Variants in GRIA2 observed in about 807,000 individuals in gnomAD.
GRIA2 encodes the protein glutamate receptor 2.
GRIA2 carries 14 observed loss-of-function variants against 97.3 expected under a neutral mutation model. That is an observed-to-expected ratio of 0.14 (90% CI 0.10 to 0.23). The LOEUF (loss-of-function observed/expected upper bound fraction) is 0.23, where lower values mean the gene tolerates loss of function less well. Ranked by LOEUF, GRIA2 falls within the 10% of genes least tolerant of loss-of-function variation. The probability of loss-of-function intolerance (pLI) is 1.00; values close to 1 mark genes in which losing one functional copy is unlikely to be tolerated. For missense variants in GRIA2, 558 were observed against 1,069.8 expected, an observed-to-expected ratio of 0.52 and a Z score of 6.67; for synonymous variants, 412 against 387.8, an observed-to-expected ratio of 1.06 and a Z score of -0.73.
chr4:157,285,933 G>A (rs1378623165), intron 2 of GRIA2, among the ~76,000 whole-genome samples: 1 of 151,298 alleles, frequency 6.6e-6, no homozygotes, highest in Non-Finnish European at 1.5e-5. Flanking sequence ...AAGTAACTTG[G>A]CAAATATACA....
At chr4:157,234,832 T>A (rs1730172690) in intron 2 of GRIA2, among the ~76,000 whole-genome samples, 2 of 152,252 alleles carry the variant, frequency 1.3e-5, no homozygotes, top group African/African-American at 2.4e-5. Flanking sequence ...AATAATTACT[T>A]GGTCAGAGAT....
chr4:157,274,130 A>T (rs1732165950), intron 2 of GRIA2, among the ~76,000 whole-genome samples: 1 of 151,984 alleles, frequency 6.6e-6, no homozygotes, highest in African/African-American at 2.4e-5. Flanking sequence ...CCAAATTATC[A>T]TTTAGTAGTG....
At chr4:157,348,225 G>T (rs1338824061) in intron 12 of GRIA2, among the ~76,000 whole-genome samples, 1 of 152,130 alleles carries the variant, frequency 6.6e-6, no homozygotes, top group Non-Finnish European at 1.5e-5. Context: ...AATTGGTAAA[G>T]GTGGCTGCTA....
chr4:157,341,650 A>C lies in GRIA2; in HGVS notation c.2043+188A>C, dbSNP rs143968114. On this transcript the variant is annotated intron_variant, in intron 12 of 15. Transcript: ENST00000264426. ...TACTTCGGTCCAGCTCTAGTTTCTG[A>C]TTCCTGACTCCTTAGGAGAAAAATC... is the stretch of plus-strand genomic sequence containing the variant. Among the ~76,000 whole-genome samples the C allele has an allele frequency of 7.2e-3, 1,094 of 152,148 alleles. 18 individuals carry two copies. Among genetic ancestry groups the C allele is most frequent in the South Asian group, 0.063 (304 of 4,820 alleles).
At chr4:157,329,638 A>G (rs563269659) in intron 6 of GRIA2, among the ~76,000 whole-genome samples, 24 of 152,052 alleles carry the variant, frequency 1.6e-4, no homozygotes, top group African/African-American at 4.8e-4. Context: ...AAAACATGGT[A>G]AAAACAAACT....
At chr4:157,236,777 T>C (rs1479491349) in intron 2 of GRIA2, among the ~76,000 whole-genome samples, 3 of 152,146 alleles carry the variant, frequency 2.0e-5, no homozygotes, top group Admixed American at 2.0e-4. Context: ...TTTCTATGTA[T>C]GTGTGTGTGC....
intron 2 of GRIA2, among the ~76,000 whole-genome samples, chr4:157,275,195 G>T (rs190551488): frequency 1.5e-4 from 23 of 152,042 alleles, no homozygotes; most frequent in Admixed American, 1.5e-3. Context: ...CATATCCTTC[G>T]CCCACTTTTT....
intron 2 of GRIA2, among the ~76,000 whole-genome samples, chr4:157,269,957 C>T (rs187280821): frequency 6.6e-6 from 1 of 151,926 alleles, no homozygotes; most frequent in African/African-American, 2.4e-5. Context: ...TATAAATAAA[C>T]TCGGATTTTT....
intron 2 of GRIA2, among the ~76,000 whole-genome samples, chr4:157,292,866 T>C (rs1312697684): frequency 1.3e-5 from 2 of 152,118 alleles, no homozygotes; most frequent in African/African-American, 4.8e-5. Context: ...GCTTCCAAGT[T>C]TTTTAATGTC....
intron 2 of GRIA2, among the ~76,000 whole-genome samples, chr4:157,288,579 A>T (rs111495924): frequency 6.6e-6 from 1 of 151,734 alleles, no homozygotes. Flanking sequence ...ACCACAACAC[A>T]TATTTCCTTT....
rs1262315758 is a variant in GRIA2 at position 157,365,777 on chromosome 4, G to C, written c.*2346G>C. 1 of 151,858 alleles carries C rather than the reference G, an allele frequency of 6.6e-6. No homozygotes were observed. Among genetic ancestry groups the C allele is most frequent in the African/African-American group, 2.4e-5 (1 of 41,366 alleles). The allele number at this position is 151,858 out of a possible 1,614,324, so 9.4% of individuals were successfully genotyped here. A position where few individuals can be genotyped will look rare whatever the true frequency, so the allele number is the denominator to read the frequency against. On this transcript the variant is annotated 3_prime_UTR_variant, in exon 16 of 16. Transcript: ENST00000264426. The stretch of plus-strand genomic sequence containing the variant: ...TTTTTATTCATTTTATATAAAAACT[G>C]TTATGGAAAGACCAAAATGTTTATG...
At chr4:157,356,320 T>C (rs1351267457) in intron 12 of GRIA2, among the ~76,000 whole-genome samples, 2 of 150,882 alleles carry the variant, frequency 1.3e-5, no homozygotes, top group African/African-American at 2.4e-5. Flanking sequence ...AACTCTTCCC[T>C]GGGGCCATCT....
At chr4:157,248,895 T>G (rs1292262994) in intron 2 of GRIA2, among the ~76,000 whole-genome samples, 1 of 151,026 alleles carries the variant, frequency 6.6e-6, no homozygotes, top group Non-Finnish European at 1.5e-5. Flanking sequence ...TGGAGTGCAG[T>G]GGGATGATCT....
At chr4:157,225,856 C>T (rs557970394) in intron 2 of GRIA2, among the ~76,000 whole-genome samples, 4 of 151,748 alleles carry the variant, frequency 2.6e-5, no homozygotes, top group Non-Finnish European at 5.9e-5. Flanking sequence ...ATATACACCA[C>T]GTATTGTATG....
At chr4:157,255,988 GAC>G (rs1731224416) in intron 2 of GRIA2, among the ~76,000 whole-genome samples, 1 of 150,432 alleles carries the variant, frequency 6.6e-6, no homozygotes. Context: ...TATATACAGT[GAC>G]ACAGAAAAAT....
chr4:157,323,855 G>A (rs1734693788), intron 6 of GRIA2, among the ~76,000 whole-genome samples: 1 of 152,140 alleles, frequency 6.6e-6, no homozygotes, highest in African/African-American at 2.4e-5. Flanking sequence ...CCTTCCTGCT[G>A]TAGCATTTCC....
chr4:157,333,386 G>A (rs745813549), intron 8 of GRIA2, 33 bp downstream of exon 8: 21 of 1,083,886 alleles, frequency 1.9e-5, no homozygotes, highest in Non-Finnish European at 2.9e-5. Context: ...GCAGTTCTAT[G>A]TGAGGAGGTG....
chr4:157,362,776 C>T (rs770423768), intron 14 of GRIA2, 23 bp from the exon 15 acceptor site: 19 of 1,596,704 alleles, frequency 1.2e-5, no homozygotes, highest in Middle Eastern at 1.7e-4. Context: ...TCCTAATAAC[C>T]TCTTCTCATA....
chr4:157,271,212 T>C (rs562465874), intron 2 of GRIA2, among the ~76,000 whole-genome samples: 3 of 152,084 alleles, frequency 2.0e-5, no homozygotes, highest in South Asian at 4.1e-4. Context: ...ACCAAGCAAG[T>C]AGTAATTTCT....
Sources: gnomAD v4.1 joint callset for allele counts (sites outside exome capture counted in the v4.1 genomes callset) on GRCh38, gnomAD v4.1.1 for gene constraint, MANE v1.5 for transcripts, NCBI Gene and HGNC (gene_info 2026-07-23, HGNC 2026-07-21) for gene names.